The following TIAM2 variants were observed in gnomAD, a reference collection of about 807,000 sequenced individuals.
TIAM2 encodes rho guanine nucleotide exchange factor TIAM2.
A neutral mutation model predicts 152.9 loss-of-function variants in TIAM2; 80 were observed. The ratio of observed to expected loss-of-function variants is 0.52; its 90% CI spans 0.44 to 0.63. The LOEUF is 0.63. Among genes scored for constraint, TIAM2 ranks in the 30% least tolerant of loss-of-function variants. The probability of loss-of-function intolerance (pLI) is 0.00; values close to 1 mark genes in which losing one functional copy is unlikely to be tolerated. For missense variants in TIAM2, 1,965 were observed against 2,120.1 expected, an observed-to-expected ratio of 0.93 and a Z score of 1.44; for synonymous variants, 804 against 838.0, an observed-to-expected ratio of 0.96 and a Z score of 0.70.
At chr6:155,047,691 GA>G (rs1427572624) in intron 1 of TIAM2, among the ~76,000 whole-genome samples, 4,722 of 13,584 alleles carry the variant, frequency 0.35, 390 homozygotes, top group Admixed American at 0.4. Flanking sequence ...AGAGAGAGGA[GA>G]GAGAGAGAGA....
intron 2 of TIAM2, among the ~76,000 whole-genome samples, chr6:155,113,088 G>A (rs1245122930): frequency 6.6e-6 from 1 of 151,972 alleles, no homozygotes; most frequent in African/African-American, 2.4e-5. Context: ...TTTTCTCAAG[G>A]TGAAAGCCAA....
intron 1 of TIAM2, among the ~76,000 whole-genome samples, chr6:155,066,392 T>C (rs6900877): frequency 0.36 from 54,408 of 152,128 alleles, 10,554 homozygotes; most frequent in Middle Eastern, 0.48. Flanking sequence ...TGTGAAGTCC[T>C]GGAGCGTGGA....
At chr6:155,253,906 C>G in intron 24 of TIAM2, 67 bp from the exon 25 acceptor site, 1 of 1,222,418 alleles carries the variant, frequency 8.2e-7, no homozygotes, top group Non-Finnish European at 1.2e-6. Flanking sequence ...TTCAACTTTA[C>G]AAGTGTTCTT....
intron 15 of TIAM2, among the ~76,000 whole-genome samples, chr6:155,216,349 G>A (rs1431075586): frequency 6.6e-6 from 1 of 152,160 alleles, no homozygotes; most frequent in African/African-American, 2.4e-5. Flanking sequence ...GGCTGTTGGG[G>A]ATATTTTACT....
intron 1 of TIAM2, among the ~76,000 whole-genome samples, chr6:155,027,431 CTA>C (rs1253249432): frequency 9.8e-5 from 8 of 81,878 alleles, no homozygotes; most frequent in Middle Eastern, 7.8e-3. Flanking sequence ...TACATATATA[CTA>C]TATATAATAT....
intron 6 of TIAM2, among the ~76,000 whole-genome samples, chr6:155,145,937 A>G (rs1223693149): frequency 6.6e-6 from 1 of 152,220 alleles, no homozygotes; most frequent in Non-Finnish European, 1.5e-5. Flanking sequence ...AAAACCTTCT[A>G]TGATACTTTA....
At chr6:155,104,618 G>A (rs7761874) in intron 2 of TIAM2, among the ~76,000 whole-genome samples, 6,770 of 152,068 alleles carry the variant, frequency 0.045, 463 homozygotes, top group African/African-American at 0.14. Context: ...TTAGCTGGGC[G>A]TGGTGGCGGG....
At chr6:155,093,069 G>A (rs1373948426) in intron 2 of TIAM2, among the ~76,000 whole-genome samples, 1 of 152,178 alleles carries the variant, frequency 6.6e-6, no homozygotes, top group Non-Finnish European at 1.5e-5. Flanking sequence ...GCCATTTTCT[G>A]TGTGTATAAC....
chr6:155,248,052 G>T lies in TIAM2; in HGVS notation c.3705G>T (p.Lys1235Asn). 1 of 1,614,214 alleles carries T rather than the reference G, an allele frequency of 6.2e-7. No homozygotes were observed. Among genetic ancestry groups the T allele is most frequent in the Non-Finnish European group, 8.5e-7 (1 of 1,180,030 alleles). ...TTCTGGACGCCCGGAACCCCACCAAGCAGCATTCCTCCACGCTGGAGTCCT... is the reference window on the plus strand; with the variant it reads ...TTCTGGACGCCCGGAACCCCACCAATCAGCATTCCTCCACGCTGGAGTCCT... Reference protein sequence around the residue: ...KAFLDARNPTKQHSSTLESYL... With the variant: ...KAFLDARNPTNQHSSTLESYL... Residue 1235 changes from lysine (K) to asparagine (N), a missense_variant, in exon 20 of 27, where the codon AAG (lysine) becomes AAT (asparagine). Around this residue, in one of 3 missense-constraint regions of TIAM2, gnomAD observed 935 missense variants for 980.0 expected, o/e 0.95. Transcript: ENST00000682666.
intron 20 of TIAM2, 93 bp downstream of exon 20, chr6:155,248,272 C>T (rs1054135244): frequency 2.2e-5 from 31 of 1,395,712 alleles, no homozygotes; most frequent in South Asian, 4.2e-5. Flanking sequence ...ACCTCTTCCC[C>T]GCCTAGTGGC....
intron 23 of TIAM2, 128 bp from the exon 24 acceptor site, chr6:155,252,820 C>T (rs1783748866): frequency 1.3e-6 from 1 of 762,542 alleles, no homozygotes; most frequent in Admixed American, 2.4e-5. Flanking sequence ...ACTTCTGTGC[C>T]CTGAACACCC....
intron 1 of TIAM2, among the ~76,000 whole-genome samples, chr6:155,016,074 G>A (rs1778574622): frequency 6.6e-6 from 1 of 151,844 alleles, no homozygotes; most frequent in Non-Finnish European, 1.5e-5. Context: ...AAGCGTTGCT[G>A]GTGGGAATAA....
chr6:155,255,646 T>G (rs567028604), intron 26 of TIAM2: 10 of 151,462 alleles, frequency 6.6e-5, no homozygotes, highest in African/African-American at 1.7e-4. Flanking sequence ...ACCTATAACA[T>G]AAAATTTCAG....
At chr6:155,118,318 C>T (rs1245733710) in intron 2 of TIAM2, among the ~76,000 whole-genome samples, 1 of 152,196 alleles carries the variant, frequency 6.6e-6, no homozygotes, top group Non-Finnish European at 1.5e-5. Context: ...TTCGGTCCTT[C>T]AGGGATCCAG....
chr6:155,251,485 C>A (rs1266999462), intron 22 of TIAM2, among the ~76,000 whole-genome samples: 1 of 152,126 alleles, frequency 6.6e-6, no homozygotes, highest in East Asian at 1.9e-4. Context: ...TGGGGTTTCA[C>A]CATGCTGGCC....
intron 1 of TIAM2, among the ~76,000 whole-genome samples, chr6:155,000,297 G>C (rs1778291194): frequency 6.6e-6 from 1 of 152,082 alleles, no homozygotes; most frequent in South Asian, 2.1e-4. Flanking sequence ...CACTTTGGGA[G>C]GCCAAGGGGC....
chr6:155,114,480 T>A (rs974106846), intron 2 of TIAM2, among the ~76,000 whole-genome samples: 3 of 152,182 alleles, frequency 2.0e-5, no homozygotes, highest in African/African-American at 4.8e-5. Flanking sequence ...TCTCCCTTTG[T>A]CTTGGTGGCC....
At chr6:155,082,416 T>G (rs1778083214) in intron 1 of TIAM2, among the ~76,000 whole-genome samples, 1 of 151,946 alleles carries the variant, frequency 6.6e-6, no homozygotes, top group Non-Finnish European at 1.5e-5. Context: ...TTTGGGAGGC[T>G]GAGGTGGGTG....
At chr6:155,077,441 A>T (rs1477733837) in intron 1 of TIAM2, among the ~76,000 whole-genome samples, 1 of 152,180 alleles carries the variant, frequency 6.6e-6, no homozygotes, top group Non-Finnish European at 1.5e-5. Flanking sequence ...TTTGACGTAA[A>T]ATTTACTCAC....
Sources: allele counts gnomAD v4.1 joint callset (sites outside exome capture counted in the v4.1 genomes callset), GRCh38; gene constraint gnomAD v4.1.1; regional missense constraint gnomAD v4.1.1; transcripts MANE v1.5; gene names NCBI Gene and HGNC (gene_info 2026-07-23, HGNC 2026-07-21).